UGT1A5: variants seen among roughly 807,000 people sequenced by gnomAD.
UGT1A5 encodes UDP glucuronosyltransferase family 1 member A5.
Under a neutral mutation model 40.3 loss-of-function variants are expected in UGT1A5, and 29 were observed. That is an observed-to-expected ratio of 0.72 (90% CI 0.54 to 0.98). The LOEUF is 0.98. Ranked by LOEUF, UGT1A5 falls within the 50% of genes least tolerant of loss-of-function variation. UGT1A5 has a pLI of 0.00. For missense variants in UGT1A5, 678 were observed against 677.9 expected (o/e 1.00, Z 0.00); for synonymous variants, 257 against 262.5 (o/e 0.98, Z 0.20).
intron 1 of UGT1A5, among the ~76,000 whole-genome samples, chr2:233,739,686 T>A (rs558118355): frequency 4.6e-5 from 7 of 152,354 alleles, no homozygotes; most frequent in Admixed American, 4.6e-4. Context: ...ACTAACTTGT[T>A]TTTGATTTTA....
chr2:233,719,008 C>T (rs775074896), intron 1 of UGT1A5: 43 of 1,614,048 alleles, frequency 2.7e-5, no homozygotes, highest in Admixed American at 2.5e-4. Flanking sequence ...GTCCTCACCC[C>T]AGAGGTGAAT....
chr2:233,743,240 T>G (rs1692244875), intron 1 of UGT1A5: 1 of 425,178 alleles, frequency 2.4e-6, no homozygotes, highest in South Asian at 1.7e-5. Context: ...TATGAAGGAC[T>G]TTAACTCAAC....
At chr2:233,722,921 C>G (rs1255779754) in intron 1 of UGT1A5, among the ~76,000 whole-genome samples, 1 of 128,932 alleles carries the variant, frequency 7.8e-6, no homozygotes, top group African/African-American at 2.9e-5. Flanking sequence ...GGTCTTCATC[C>G]TCATTGTCTC....
Position 233,772,248 on chromosome 2 carries a change from G to A in UGT1A5, c.1308-14G>A. ...CAGGTGTTCCAGGCATAACGAAACT[G>A]TCTTTGTGTTTAGTTACAAGGAGAA... is the stretch of plus-strand genomic sequence containing the variant. On this transcript the variant is annotated splice_polypyrimidine_tract_variant and intron_variant, in intron 4 of 4. Transcript: ENST00000373414. 6.2e-7 allele frequency: 1 copy of A among 1,614,220 alleles called. No individual in the cohort carries two copies. The highest frequency in any genetic ancestry group is 1.7e-5 in the Admixed American group (1 of 60,030).
intron 1 of UGT1A5, among the ~76,000 whole-genome samples, chr2:233,727,122 G>A (rs188097836): frequency 6.6e-6 from 1 of 152,290 alleles, no homozygotes; most frequent in Non-Finnish European, 1.5e-5. Context: ...TGTGAGATTG[G>A]CAGAGGGGAA....
chr2:233,749,216 C>G lies in UGT1A5; in HGVS notation c.868-17818C>G, dbSNP rs1401762551. ...AACATAGGTATTATTGCCAAACACT[C>G]TAAGCTTCATTTTTTAAAATCAAAC... On this transcript the variant is annotated intron_variant, in intron 1 of 4. Coordinates refer to ENST00000373414, the MANE Select transcript of UGT1A5 (RefSeq NM_019078.2). Among the ~76,000 whole-genome samples, 5 of 151,786 alleles carry G rather than the reference C, an allele frequency of 3.3e-5. No homozygotes were observed. The East Asian group carries it at 5.8e-4, about 18-fold the overall frequency.
At position 233,719,685 on chromosome 2, in the gene UGT1A5, C is replaced by T. The variant is rs745851656; in HGVS notation, c.867+5827C>T. 4.3e-6 allele frequency: 7 copies of T among 1,613,938 alleles called. No homozygotes were observed. The South Asian group carries it at 6.6e-5, about 15-fold the overall frequency. Reference sequence around the variant, plus strand: ...CTGTGCCAACGGGAAGCCACTATCTCAGGTCTGTATTGGTGCCTTCATCCA... The same window carrying T: ...CTGTGCCAACGGGAAGCCACTATCTTAGGTCTGTATTGGTGCCTTCATCCA... On this transcript the variant is annotated intron_variant, in intron 1 of 4. Transcript: ENST00000373414.
chr2:233,767,749 G>A (rs1699471404), intron 2 of UGT1A5, 100 bp from the exon 3 acceptor site: 1 of 1,594,036 alleles, frequency 6.3e-7, no homozygotes, highest in African/African-American at 1.3e-5. Context: ...GTTAAAGACT[G>A]TTCCTTCAGA....
chr2:233,755,003 C>T (rs10929301), intron 1 of UGT1A5: 15 of 1,287,722 alleles, frequency 1.2e-5, no homozygotes, highest in Non-Finnish European at 1.6e-5. Flanking sequence ...AGCTGAAGAC[C>T]TACTCGAAGG....
rs1190713460 is a variant in UGT1A5 at position 233,755,086 on chromosome 2, G to T, written c.868-11948G>T. ...TCGCCATAGCGGTCATAGATATCGC[G>T]TTTCTACGCGTCCGACAACACCTCG... On this transcript the variant is annotated intron_variant, in intron 1 of 4. Coordinates refer to ENST00000373414, the MANE Select transcript of UGT1A5 (RefSeq NM_019078.2). The T allele has an allele frequency of 7.5e-6, 10 of 1,335,354 alleles. No homozygotes were observed. In the African/African-American group the frequency reaches 1.5e-4, roughly 20 times the overall value. 82.7% of individuals were successfully genotyped at this position (1,335,354 alleles called of 1,614,324 possible). A position where few individuals can be genotyped will look rare whatever the true frequency, so the allele number is the denominator to read the frequency against.
At chr2:233,741,626 G>C (rs997188188) in intron 1 of UGT1A5, 2 of 151,868 alleles carry the variant, frequency 1.3e-5, no homozygotes, top group African/African-American at 4.9e-5. Flanking sequence ...GACCCCATGA[G>C]CCCCTGTGGG....
chr2:233,738,398 A>G (rs1690780293), intron 1 of UGT1A5, among the ~76,000 whole-genome samples: 1 of 152,236 alleles, frequency 6.6e-6, no homozygotes, highest in African/African-American at 2.4e-5. Context: ...AGTGACTTGG[A>G]ACTGGGTAAC....
chr2:233,728,803 A>T (rs1389677112), intron 1 of UGT1A5, among the ~76,000 whole-genome samples: 1 of 152,188 alleles, frequency 6.6e-6, no homozygotes, highest in Non-Finnish European at 1.5e-5. Flanking sequence ...GAGAAGTAGG[A>T]GACAGTGACA....
intron 1 of UGT1A5, among the ~76,000 whole-genome samples, chr2:233,749,606 T>A (rs1054542224): frequency 2.6e-5 from 4 of 151,906 alleles, no homozygotes; most frequent in Admixed American, 2.6e-4. Context: ...CACACTAGAT[T>A]TATCATGATT....
intron 1 of UGT1A5, among the ~76,000 whole-genome samples, chr2:233,746,796 G>A (rs1217306288): frequency 1.3e-5 from 2 of 151,816 alleles, no homozygotes; most frequent in Admixed American, 1.3e-4. Flanking sequence ...TAATTCATGA[G>A]CGTGAATGTG....
At chr2:233,724,339 G>GA in intron 1 of UGT1A5, among the ~76,000 whole-genome samples, 1 of 142,786 alleles carries the variant, frequency 7.0e-6, no homozygotes, top group East Asian at 2.2e-4. Context: ...GCGGGGGGCT[G>GA]ACCCCCCCCA....
At chr2:233,729,075 G>A (rs2077785195) in intron 1 of UGT1A5, 2 of 1,611,914 alleles carry the variant, frequency 1.2e-6, no homozygotes, top group East Asian at 2.2e-5. Flanking sequence ...GAAAGCAAAT[G>A]TAGCAGGCAC....
rs1699908035 is a variant in UGT1A5, at chr2:233,769,628, A to G, written c.1307+1189A>G. 6.2e-7 allele frequency: 1 copy of G among 1,611,940 alleles called. No individual in the cohort carries two copies. The highest frequency in any genetic ancestry group is 8.5e-7 in the Non-Finnish European group (1 of 1,179,468). Reference sequence around the variant, plus strand: ...GACACACCAGCTTGAGCAAGGGACAACAGGGGAGGACTGATGACTGACTTC... The same window carrying G: ...GACACACCAGCTTGAGCAAGGGACAGCAGGGGAGGACTGATGACTGACTTC... On this transcript the variant is annotated intron_variant, in intron 4 of 4. Transcript: ENST00000373414. This position sits in a 1 kb window ranked among gnomAD's most constrained non-coding sequence, Gnocchi z 4.4.
At chr2:233,743,513 T>C (rs1354115874) in intron 1 of UGT1A5, 1 of 1,367,162 alleles carries the variant, frequency 7.3e-7, no homozygotes, top group South Asian at 1.1e-5. Flanking sequence ...GCAGACGCTC[T>C]GCTTCTGCTT....
Sources: allele counts gnomAD v4.1 joint callset (sites outside exome capture counted in the v4.1 genomes callset), GRCh38; gene constraint gnomAD v4.1.1; non-coding constraint Gnocchi (gnomAD v3.1); transcripts MANE v1.5; gene names NCBI Gene and HGNC (gene_info 2026-07-23, HGNC 2026-07-21).